Variants in ERP44 observed in about 807,000 individuals in gnomAD.
The protein encoded by ERP44 is endoplasmic reticulum protein 44.
In ERP44, 25 loss-of-function variants were observed where a neutral mutation model predicts 53.4. The ratio of observed to expected loss-of-function variants is 0.47; its 90% CI spans 0.34 to 0.65. The LOEUF is 0.65. Among genes scored for constraint, ERP44 ranks in the 30% least tolerant of loss-of-function variants. ERP44 has a pLI of 0.01. For missense variants in ERP44, 338 were observed against 493.2 expected (o/e 0.69, Z 2.98); for synonymous variants, 145 against 161.2 (o/e 0.90, Z 0.76).
intron 4 of ERP44, among the ~76,000 whole-genome samples, chr9:100,049,490 ATG>A (rs1386742751): frequency 2.0e-5 from 3 of 152,238 alleles, no homozygotes; most frequent in African/African-American, 7.2e-5. Flanking sequence ...AGATACATGA[ATG>A]TATATAAACA....
At position 100,060,193 on chromosome 9, in the gene ERP44, A is replaced by C. The variant is rs200106241; in HGVS notation, c.58-21T>G. On this transcript the variant is annotated intron_variant, in intron 1 of 11. Coordinates refer to ENST00000262455, the MANE Select transcript of ERP44 (RefSeq NM_015051.3). ...GTTACCTGAAAATTTAAAAAATGAG[A>C]AATTAATAAATGTGTCCACAAAAGA... 9 of 1,475,638 alleles carry C rather than the reference A, an allele frequency of 6.1e-6. No individual in the cohort carries two copies. In the African/African-American group the frequency reaches 8.7e-5, roughly 14 times the overall value. 91.4% of individuals were successfully genotyped at this position (1,475,638 alleles called of 1,614,324 possible).
intron 4 of ERP44, among the ~76,000 whole-genome samples, chr9:100,039,927 T>G (rs970592103): frequency 6.6e-6 from 1 of 151,956 alleles, no homozygotes; most frequent in South Asian, 2.1e-4. Flanking sequence ...TAGAAGAAAC[T>G]GACACATTCC....
At chr9:100,010,755 G>A (rs553189955) in intron 8 of ERP44, among the ~76,000 whole-genome samples, 20 of 152,126 alleles carry the variant, frequency 1.3e-4, no homozygotes, top group African/African-American at 4.1e-4. Flanking sequence ...ACAAATATTA[G>A]TTGGGCGTGG....
At chr9:100,035,069 TAAGTC>T (rs556052522) in intron 4 of ERP44, among the ~76,000 whole-genome samples, 99 of 152,260 alleles carry the variant, frequency 6.5e-4, no homozygotes, top group Non-Finnish European at 1.3e-3. Flanking sequence ...ATACAAAACT[TAAGTC>T]AAGACAGATT....
At chr9:100,073,359 G>A (rs940661973) in intron 1 of ERP44, among the ~76,000 whole-genome samples, 4 of 152,152 alleles carry the variant, frequency 2.6e-5, no homozygotes, top group Admixed American at 2.6e-4. Context: ...CATAGAATTA[G>A]TTGAGATTAT....
At chr9:100,053,320 T>C (rs2096089776) in intron 3 of ERP44, among the ~76,000 whole-genome samples, 1 of 152,200 alleles carries the variant, frequency 6.6e-6, no homozygotes, top group South Asian at 2.1e-4. Flanking sequence ...TTTTTTCTTT[T>C]ACTTTAAACA....
chr9:99,989,586 A>C (rs1458182014), intron 10 of ERP44, among the ~76,000 whole-genome samples: 1 of 152,238 alleles, frequency 6.6e-6, no homozygotes, highest in Non-Finnish European at 1.5e-5. Flanking sequence ...AAAGATGGGG[A>C]GAAACCAGAG....
intron 4 of ERP44, among the ~76,000 whole-genome samples, chr9:100,042,981 C>T (rs573516223): frequency 7.2e-5 from 11 of 151,976 alleles, no homozygotes; most frequent in Admixed American, 6.6e-4. Context: ...ATCAATAGGC[C>T]GGGCGCAGTG....
intron 1 of ERP44, among the ~76,000 whole-genome samples, chr9:100,064,437 G>T (rs1826188614): frequency 6.6e-6 from 1 of 152,204 alleles, no homozygotes; most frequent in Non-Finnish European, 1.5e-5. Flanking sequence ...TGAGGAAACT[G>T]AGGTTATCAA....
chr9:100,039,699 T>C (rs565107254), intron 4 of ERP44, among the ~76,000 whole-genome samples: 1 of 151,944 alleles, frequency 6.6e-6, no homozygotes, highest in South Asian at 2.1e-4. Flanking sequence ...TGAAATTGAA[T>C]TGAAAAAGAC....
At chr9:100,076,207 C>T (rs548586291) in intron 1 of ERP44, among the ~76,000 whole-genome samples, 5 of 152,308 alleles carry the variant, frequency 3.3e-5, no homozygotes, top group Admixed American at 6.5e-5. Flanking sequence ...CCCATCTAGC[C>T]ATAAAGTGGG....
intron 5 of ERP44, among the ~76,000 whole-genome samples, chr9:100,021,393 A>T (rs1294480478): frequency 6.6e-6 from 1 of 152,202 alleles, no homozygotes; most frequent in Non-Finnish European, 1.5e-5. Flanking sequence ...ACATGCTCAC[A>T]CTACTTGCTG....
chr9:100,022,502 A>G (rs1170236976), intron 4 of ERP44, among the ~76,000 whole-genome samples: 1 of 152,246 alleles, frequency 6.6e-6, no homozygotes, highest in Non-Finnish European at 1.5e-5. Flanking sequence ...CATCTATTAT[A>G]TAAGGATAAT....
At chr9:99,995,066 GAT>G (rs750321594) in intron 10 of ERP44, among the ~76,000 whole-genome samples, 3 of 151,542 alleles carry the variant, frequency 2.0e-5, no homozygotes. Context: ...TGTTTTGTTT[GAT>G]TTATACCTAG....
At chr9:100,068,320 C>T (rs1432718589) in intron 1 of ERP44, among the ~76,000 whole-genome samples, 7 of 130,744 alleles carry the variant, frequency 5.4e-5, no homozygotes, top group East Asian at 2.5e-4. Flanking sequence ...CTGCCCCGTC[C>T]GGGAGGGAGG....
intron 2 of ERP44, 122 bp downstream of exon 2, chr9:100,059,977 TC>T: frequency 1.2e-6 from 1 of 818,382 alleles, no homozygotes; most frequent in Non-Finnish European, 1.6e-6. Context: ...ATGGAATTAA[TC>T]AGAATGCCAG....
intron 8 of ERP44, among the ~76,000 whole-genome samples, chr9:100,012,241 T>G (rs1321129683): frequency 6.6e-6 from 1 of 152,214 alleles, no homozygotes; most frequent in Non-Finnish European, 1.5e-5. Context: ...CATTAAGATA[T>G]GCAATGAATT....
intron 10 of ERP44, among the ~76,000 whole-genome samples, chr9:99,992,369 A>G (rs967127844): frequency 2.0e-5 from 3 of 152,330 alleles, no homozygotes; most frequent in Middle Eastern, 3.4e-3. Flanking sequence ...AACATATGCA[A>G]ATCAATAAAC....
chr9:100,057,922 A>G, intron 2 of ERP44, 63 bp from the exon 3 acceptor site: 1 of 1,245,760 alleles, frequency 8.0e-7, no homozygotes. Context: ...TTAAACATAC[A>G]GTTTCATTAT....
Sources: allele counts gnomAD v4.1 joint callset (sites outside exome capture counted in the v4.1 genomes callset), GRCh38; gene constraint gnomAD v4.1.1; transcripts MANE v1.5; gene names NCBI Gene and HGNC (gene_info 2026-07-23, HGNC 2026-07-21).